GAS2: variants seen among roughly 807,000 people sequenced by gnomAD.
GAS2 encodes the protein growth arrest specific 2, also known as growth arrest-specific protein 2.
GAS2 carries 20 observed loss-of-function variants against 37.5 expected under a neutral mutation model. The ratio of observed to expected loss-of-function variants is 0.53; its 90% CI spans 0.37 to 0.77. GAS2 has a LOEUF of 0.77. Among genes scored for constraint, GAS2 ranks in the 30% least tolerant of loss-of-function variants. GAS2 has a pLI of 0.00. For synonymous variants in GAS2, 144 were observed against 132.2 expected (o/e 1.09, Z -0.61); for missense variants, 336 against 373.4 (o/e 0.90, Z 0.82).
intron 3 of GAS2, among the ~76,000 whole-genome samples, chr11:22,713,639 C>G (rs1851519685): frequency 2.0e-5 from 3 of 152,126 alleles, no homozygotes; most frequent in Admixed American, 6.5e-5. Context: ...AAAATAAAAC[C>G]TATCAGATTA....
chr11:22,777,536 G>T (rs1564884185), intron 7 of GAS2, among the ~76,000 whole-genome samples: 1 of 152,166 alleles, frequency 6.6e-6, no homozygotes, highest in Non-Finnish European at 1.5e-5. Context: ...TATCTGGAAA[G>T]CTTTCAAAGA....
At chr11:22,661,139 G>A (rs1421636082) in intron 1 of GAS2, among the ~76,000 whole-genome samples, 1 of 152,116 alleles carries the variant, frequency 6.6e-6, no homozygotes, top group East Asian at 1.9e-4. Flanking sequence ...CCCAAGAAAT[G>A]TGATACTAAA....
chr11:22,771,439 T>G (rs1854976128), intron 7 of GAS2, among the ~76,000 whole-genome samples: 1 of 152,162 alleles, frequency 6.6e-6, no homozygotes, highest in African/African-American at 2.4e-5. Context: ...AGGAACCTCA[T>G]GGACCTCCAC....
chr11:22,651,667 C>T (rs749888019), intron 1 of GAS2, among the ~76,000 whole-genome samples: 1 of 152,042 alleles, frequency 6.6e-6, no homozygotes, highest in African/African-American at 2.4e-5. Flanking sequence ...ATTTCATTCA[C>T]TTCATCTTAC....
intron 1 of GAS2, among the ~76,000 whole-genome samples, chr11:22,636,758 C>A (rs1046794216): frequency 7.3e-5 from 11 of 151,288 alleles, no homozygotes; most frequent in Admixed American, 6.0e-4. Flanking sequence ...CATAAGAGAA[C>A]GTTAGAGTGT....
chr11:22,676,004 A>G (rs1849411192), intron 2 of GAS2, among the ~76,000 whole-genome samples: 1 of 151,940 alleles, frequency 6.6e-6, no homozygotes, highest in African/African-American at 2.4e-5. Flanking sequence ...TGGCTTTTGT[A>G]TTTATTTATT....
intron 7 of GAS2, among the ~76,000 whole-genome samples, chr11:22,795,926 A>G (rs1856407663): frequency 6.6e-6 from 1 of 152,192 alleles, no homozygotes; most frequent in Admixed American, 6.6e-5. Flanking sequence ...AGATGGTGAG[A>G]ACAGATTGCA....
intron 7 of GAS2, among the ~76,000 whole-genome samples, chr11:22,775,947 A>G (rs1047382736): frequency 6.6e-6 from 1 of 152,222 alleles, no homozygotes; most frequent in African/African-American, 2.4e-5. Flanking sequence ...CCTTGGGCCA[A>G]GATCCTTCCA....
At chr11:22,702,910 C>A (rs958929083) in intron 3 of GAS2, among the ~76,000 whole-genome samples, 1 of 152,138 alleles carries the variant, frequency 6.6e-6, no homozygotes, top group Non-Finnish European at 1.5e-5. Context: ...TTATTTGAAT[C>A]TGCTTATAAA....
At chr11:22,742,583 T>C (rs1325833765) in intron 5 of GAS2, among the ~76,000 whole-genome samples, 1 of 152,116 alleles carries the variant, frequency 6.6e-6, no homozygotes, top group Non-Finnish European at 1.5e-5. Context: ...GTTTGAAGTA[T>C]TCAAAAGCCA....
At chr11:22,671,295 T>C (rs1460116864) in intron 1 of GAS2, among the ~76,000 whole-genome samples, 1 of 152,120 alleles carries the variant, frequency 6.6e-6, no homozygotes, top group African/African-American at 2.4e-5. Context: ...TTTATTTTTC[T>C]GGATTCCTAG....
At chr11:22,661,271 C>CT (rs888634585) in intron 1 of GAS2, among the ~76,000 whole-genome samples, 5 of 152,176 alleles carry the variant, frequency 3.3e-5, no homozygotes, top group Non-Finnish European at 5.9e-5. Flanking sequence ...TGAATCCCGT[C>CT]TATCACCCAA....
At chr11:22,692,441 A>G (rs1242445591) in intron 3 of GAS2, among the ~76,000 whole-genome samples, 1 of 152,214 alleles carries the variant, frequency 6.6e-6, no homozygotes, top group Admixed American at 6.6e-5. Flanking sequence ...TTATGGAGAC[A>G]TGAGACATCC....
rs751620665 is a variant in GAS2, at chr11:22,755,843, C to T, written c.616-3C>T. 11 of 1,608,996 alleles carry T rather than the reference C, an allele frequency of 6.8e-6. No individual in the cohort carries two copies. In the East Asian group the frequency reaches 2.5e-4, roughly 36 times the overall value. On this transcript the variant is annotated splice_region_variant and splice_polypyrimidine_tract_variant and intron_variant, in intron 6 of 7. Coordinates refer to ENST00000454584, the MANE Select transcript of GAS2 (RefSeq NM_001143830.3). ...AATGAATGTGCCTGCTCTTCTATTT[C>T]AGGTGAAACGAATTTCTGAAGATCC... is the stretch of plus-strand genomic sequence containing the variant.
At chr11:22,681,201 T>C (rs1423048933) in intron 2 of GAS2, among the ~76,000 whole-genome samples, 4 of 152,194 alleles carry the variant, frequency 2.6e-5, no homozygotes, top group East Asian at 3.8e-4. Context: ...TAGGCTGATA[T>C]GTAAATCTTT....
chr11:22,750,101 T>G (rs943900488), intron 6 of GAS2, among the ~76,000 whole-genome samples: 1 of 152,226 alleles, frequency 6.6e-6, no homozygotes, highest in East Asian at 1.9e-4. Flanking sequence ...TTGTAGTTGC[T>G]TATTAATTTT....
Position 22,630,666 on chromosome 11 carries a change from G to A in GAS2, c.-21+4853G>A, listed in dbSNP as rs114490427. On this transcript the variant is annotated intron_variant, in intron 1 of 5. Transcript: ENST00000528582. ...TTTGTCAAAGATCAGTTGATTGTAA[G>A]TATTTGGCTTTATTTCTGAGTTCTC... is the stretch of plus-strand genomic sequence containing the variant. Among the ~76,000 whole-genome samples the A allele has an allele frequency of 9.7e-3, 1,478 of 152,276 alleles. 34 individuals are homozygous for A. Among genetic ancestry groups the A allele is most frequent in the African/African-American group, 0.034 (1,409 of 41,548 alleles).
intron 7 of GAS2, among the ~76,000 whole-genome samples, chr11:22,768,783 G>A (rs1499240): frequency 0.23 from 34,456 of 152,078 alleles, 3,992 homozygotes; most frequent in East Asian, 0.36. Flanking sequence ...TAGACTATGG[G>A]GGAATGCAGA....
intron 1 of GAS2, among the ~76,000 whole-genome samples, chr11:22,629,713 T>G (rs756825907): frequency 3.9e-5 from 6 of 152,184 alleles, no homozygotes; most frequent in Non-Finnish European, 8.8e-5. Flanking sequence ...ATATTTGTCC[T>G]TTATCTGATG....
Sources: allele counts gnomAD v4.1 joint callset (sites outside exome capture counted in the v4.1 genomes callset), GRCh38; gene constraint gnomAD v4.1.1; transcripts MANE v1.5; gene names NCBI Gene and HGNC (gene_info 2026-07-23, HGNC 2026-07-21).